Variants in PDE8B observed in about 807,000 individuals in gnomAD.
The protein encoded by PDE8B is high affinity cAMP-specific and IBMX-insensitive 3',5'-cyclic phosphodiesterase 8B.
A neutral mutation model predicts 101.3 loss-of-function variants in PDE8B; 26 were observed. The observed-to-expected ratio is 0.26, with a 90% CI of 0.19 to 0.36. The LOEUF is 0.36. Among genes scored for constraint, PDE8B ranks in the 10% least tolerant of loss-of-function variants. The pLI, the probability that PDE8B is intolerant of heterozygous loss-of-function variation, is 1.00. For synonymous variants in PDE8B, 424 were observed against 429.3 expected (o/e 0.99, Z 0.15); for missense variants, 810 against 1,163.1 (o/e 0.70, Z 4.42).
At chr5:77,337,089 T>C in intron 5 of PDE8B, 138 bp from the exon 6 acceptor site, 1 of 656,088 alleles carries the variant, frequency 1.5e-6, no homozygotes, top group Non-Finnish European at 2.8e-6. Context: ...CCTTGACAGC[T>C]GTTTCATCTC....
intron 8 of PDE8B, among the ~76,000 whole-genome samples, chr5:77,349,796 G>A (rs886986937): frequency 1.9e-4 from 29 of 152,164 alleles, no homozygotes; most frequent in African/African-American, 6.3e-4. Context: ...TTCATCCTGT[G>A]CATGAATATG....
chr5:77,211,088 C>G lies in PDE8B; in HGVS notation c.163C>G (p.Pro55Ala), dbSNP rs746595518. The G allele has an allele frequency of 6.7e-6, 10 of 1,496,038 alleles. No individual in the cohort carries two copies. Among genetic ancestry groups the G allele is most frequent in the Non-Finnish European group, 8.9e-6 (10 of 1,129,798 alleles). 92.7% of individuals were successfully genotyped at this position (1,496,038 alleles called of 1,614,324 possible). A position where few individuals can be genotyped will look rare whatever the true frequency, so the allele number is the denominator to read the frequency against. The change falls in exon 1 of 22, where the codon CCG becomes GCG. Residue 55 changes from proline to alanine, a missense_variant. Pro to Ala is a conservative substitution (Grantham distance 27, BLOSUM62 -1). Transcript: ENST00000264917. This position sits in a 1 kb window ranked among gnomAD's most constrained non-coding sequence, Gnocchi z 4.1. ...VQTDAADAIP[P>A]SRASGPPSVA... is the part of the protein sequence containing the mutation. ...GACCGACGCCGCCGACGCCATCCCC[C>G]CGAGCCGCGCGTCGGGACCCCCCAG...
chr5:77,097,720 T>TATATATATATATATCTATATATATATAG, the PDE8B span, among the ~76,000 whole-genome samples: 3 of 41,886 alleles, frequency 7.2e-5, no homozygotes, highest in Admixed American at 4.2e-4. Flanking sequence ...TATATATATA[T>TATATATATATATATCTATATATATATAG]ATATATATAT....
the PDE8B span, among the ~76,000 whole-genome samples, chr5:77,153,130 T>C: frequency 6.6e-6 from 1 of 152,046 alleles, no homozygotes; most frequent in Non-Finnish European, 1.5e-5. Flanking sequence ...CTACAAAGCA[T>C]AGGACAGCCC....
chr5:77,372,407 G>A (rs1237750585), intron 10 of PDE8B, among the ~76,000 whole-genome samples: 1 of 152,124 alleles, frequency 6.6e-6, no homozygotes, highest in African/African-American at 2.4e-5. Flanking sequence ...CTTCATCAGG[G>A]TTTGTATATT....
At chr5:77,201,817 A>G in the PDE8B span, among the ~76,000 whole-genome samples, 1 of 152,130 alleles carries the variant, frequency 6.6e-6, no homozygotes, top group Non-Finnish European at 1.5e-5. Flanking sequence ...GGCCGCCATA[A>G]TAAAATAGCA....
the PDE8B span, among the ~76,000 whole-genome samples, chr5:77,174,741 T>C: frequency 1.3e-5 from 2 of 152,206 alleles, no homozygotes; most frequent in East Asian, 3.9e-4. Context: ...AGTATGGTTC[T>C]CCACCCTCTT....
rs3031820 is a variant in PDE8B at position 77,378,009 on chromosome 5, TACACACACACAC to T, written c.1168-22210_1168-22199del. Among the ~76,000 whole-genome samples, 300 of 134,484 alleles carry T rather than the reference TACACACACACAC, an allele frequency of 2.2e-3. 1 individual carries two copies. The highest frequency in any genetic ancestry group is 7.9e-3 in the African/African-American group (267 of 33,802). The allele number at this position is 134,484 out of a possible 152,430, so 88.2% of individuals were successfully genotyped here. On this transcript the variant is annotated intron_variant, in intron 10 of 21. Transcript: ENST00000264917. ...CTTGCTCGCTCTCTCCCTCTCTCTC[TACACACACACAC>T]ACACACACACACACACACACACACA...
At chr5:77,355,503 T>A (rs975184864) in intron 10 of PDE8B, among the ~76,000 whole-genome samples, 1 of 152,152 alleles carries the variant, frequency 6.6e-6, no homozygotes, top group Non-Finnish European at 1.5e-5. Context: ...AATCGGCCCA[T>A]GGGTTTGCAT....
At chr5:77,176,080 A>G in the PDE8B span, among the ~76,000 whole-genome samples, 14,675 of 152,040 alleles carry the variant, frequency 0.097, 1,035 homozygotes, top group East Asian at 0.42. Flanking sequence ...TTAGAAAACT[A>G]TTTTCTTCTT....
chr5:77,200,777 G>A, the PDE8B span, among the ~76,000 whole-genome samples: 1 of 152,164 alleles, frequency 6.6e-6, no homozygotes, highest in Admixed American at 6.5e-5. Flanking sequence ...CTAGTGTCAA[G>A]TACCCTGGAA....
At chr5:77,237,805 C>T (rs1335847439) in intron 1 of PDE8B, among the ~76,000 whole-genome samples, 1 of 152,060 alleles carries the variant, frequency 6.6e-6, no homozygotes, top group Non-Finnish European at 1.5e-5. Context: ...TAAGTCTTTT[C>T]TGCATTTGAG....
At chr5:77,402,697 C>G (rs1160478894) in intron 11 of PDE8B, among the ~76,000 whole-genome samples, 3 of 152,202 alleles carry the variant, frequency 2.0e-5, no homozygotes, top group Non-Finnish European at 2.9e-5. Context: ...AAATGCTATG[C>G]ATATATTAAC....
At chr5:77,398,908 G>C (rs1374582584) in intron 10 of PDE8B, among the ~76,000 whole-genome samples, 2 of 152,198 alleles carry the variant, frequency 1.3e-5, no homozygotes, top group Non-Finnish European at 2.9e-5. Context: ...CGTCAGAGTG[G>C]GCAGGCCTGT....
intron 5 of PDE8B, among the ~76,000 whole-genome samples, chr5:77,333,793 C>A (rs1427176092): frequency 6.6e-6 from 1 of 152,224 alleles, no homozygotes; most frequent in African/African-American, 2.4e-5. Flanking sequence ...CATTTTACAA[C>A]CTGTCCATGG....
At chr5:77,373,178 C>T (rs1024499984) in intron 10 of PDE8B, among the ~76,000 whole-genome samples, 18 of 152,024 alleles carry the variant, frequency 1.2e-4, no homozygotes, top group Admixed American at 5.9e-4. Context: ...TATTACTTTT[C>T]TCTATTGTTA....
intron 6 of PDE8B, among the ~76,000 whole-genome samples, chr5:77,343,204 C>A (rs1299371840): frequency 1.3e-5 from 2 of 152,170 alleles, no homozygotes; most frequent in African/African-American, 4.8e-5. Context: ...ATATTATTAA[C>A]CCTCTTAGTC....
chr5:77,325,841 G>A (rs1442371774), intron 3 of PDE8B, 112 bp downstream of exon 3: 6 of 796,218 alleles, frequency 7.5e-6, no homozygotes, highest in Non-Finnish European at 1.1e-5. Context: ...ATGCGTTGAT[G>A]TTTTTAAGCA....
intron 20 of PDE8B, 148 bp from the exon 21 acceptor site, chr5:77,425,619 C>T (rs901727591): frequency 2.8e-5 from 22 of 775,510 alleles, no homozygotes; most frequent in Admixed American, 3.9e-5. Flanking sequence ...AGCTGACTTA[C>T]GTAAGTCTGA....
Sources: gnomAD v4.1 joint callset for allele counts (sites outside exome capture counted in the v4.1 genomes callset) on GRCh38, gnomAD v4.1.1 for gene constraint, Gnocchi (gnomAD v3.1) non-coding constraint, MANE v1.5 for transcripts, NCBI Gene and HGNC (gene_info 2026-07-23, HGNC 2026-07-21) for gene names.